The following AFF2 variants were observed in gnomAD, a reference collection of about 807,000 sequenced individuals.
AFF2 encodes the protein ALF transcription elongation factor 2, also known as AF4/FMR2 family member 2.
Under a neutral mutation model 76.9 loss-of-function variants are expected in AFF2, and 14 were observed. The observed-to-expected ratio is 0.18, with a 90% CI of 0.12 to 0.28. The LOEUF (loss-of-function observed/expected upper bound fraction) is 0.28. Ranked by LOEUF, AFF2 falls within the 10% of genes least tolerant of loss-of-function variation. The probability of loss-of-function intolerance (pLI) is 1.00; values close to 1 mark genes in which losing one functional copy is unlikely to be tolerated. For missense variants in AFF2, 868 were observed against 1,001.1 expected (o/e 0.87, Z 1.79); for synonymous variants, 398 against 366.7 (o/e 1.09, Z -0.98).
rs781844638 is a variant in AFF2 at position 148,699,677 on chromosome X, G to T, written c.1041+36909G>T. On this transcript the variant is annotated intron_variant, in intron 3 of 20. Coordinates refer to ENST00000370460, the MANE Select transcript of AFF2 (RefSeq NM_002025.4). ...AATCAATTTCTAGAAATTTAGCTCA[G>T]TTAAAGCCACAGTTGGTCCTTAGAT... 9.3e-4 allele frequency among the ~76,000 whole-genome samples: 104 copies of T among 111,368 alleles called. 1 individual carries two copies. The highest frequency in any genetic ancestry group is 1.7e-3 in the Non-Finnish European group (88 of 53,051).
chrX:148,764,828 C>T (rs1343275360), intron 3 of AFF2, among the ~76,000 whole-genome samples: 2 of 111,754 alleles, frequency 1.8e-5, no homozygotes, highest in Admixed American at 1.9e-4. Context: ...TGGTTGTACT[C>T]AAAGGGAAAA....
chrX:148,594,494 C>T (rs2080014112), intron 1 of AFF2, among the ~76,000 whole-genome samples: 1 of 100,149 alleles, frequency 1.0e-5, no homozygotes. Flanking sequence ...TTTAAAACCA[C>T]ACCAAAACTA....
chrX:148,577,858 A>G (rs1175645141), intron 1 of AFF2, among the ~76,000 whole-genome samples: 4 of 111,240 alleles, frequency 3.6e-5, no homozygotes, highest in East Asian at 5.7e-4. Context: ...TCTCACTTGC[A>G]TTAGGGCCCA....
intron 1 of AFF2, among the ~76,000 whole-genome samples, chrX:148,628,357 T>C (rs1341974650): frequency 9.0e-6 from 1 of 111,578 alleles, no homozygotes; most frequent in Non-Finnish European, 1.9e-5. Context: ...TGTCAAATAC[T>C]GTGGATGAGT....
chrX:148,538,401 C>T (rs924013072), intron 1 of AFF2, among the ~76,000 whole-genome samples: 3 of 111,587 alleles, frequency 2.7e-5, no homozygotes, highest in Non-Finnish European at 3.8e-5. Context: ...GCCATGCTGC[C>T]GGTCCCTGGA....
intron 3 of AFF2, among the ~76,000 whole-genome samples, chrX:148,788,495 G>A (rs2069851549): frequency 8.9e-6 from 1 of 112,070 alleles, no homozygotes; most frequent in Non-Finnish European, 1.9e-5. Context: ...AACATTATGT[G>A]TGCCAAGTCT....
chrX:148,841,990 G>T (rs1163579977), intron 5 of AFF2, among the ~76,000 whole-genome samples: 7 of 112,245 alleles, frequency 6.2e-5, no homozygotes, highest in African/African-American at 2.3e-4. Context: ...AAAGCAAAGT[G>T]TTATAGTTCT....
At chrX:148,672,945 C>T (rs1557259211) in intron 3 of AFF2, among the ~76,000 whole-genome samples, 2 of 111,429 alleles carry the variant, frequency 1.8e-5, no homozygotes, top group African/African-American at 6.5e-5. Flanking sequence ...GGGTATGAAA[C>T]TAATTGCTAT....
At chrX:148,527,403 C>T (rs2052673633) in intron 1 of AFF2, among the ~76,000 whole-genome samples, 1 of 112,022 alleles carries the variant, frequency 8.9e-6, no homozygotes, top group East Asian at 2.8e-4. Flanking sequence ...AAATGCAAGG[C>T]ATGAATTTAG....
Position 148,662,150 on chromosome X carries a change from T to C in AFF2, c.423T>C (p.Val141=), listed in dbSNP as rs782526273. Residue 141 remains valine, a synonymous_variant, in exon 3 of 21, where the codon GTT becomes GTC. Coordinates refer to ENST00000370460, the MANE Select transcript of AFF2 (RefSeq NM_002025.4). ...CAGCACCAATGCCTCCACCTTCTGT[T>C]GTGATACTGAATTCAACTCTAATAC... ...HPSAPMPPPS[V]VILNSTLIHS... 1.2e-5 allele frequency: 14 copies of C among 1,208,683 alleles called. No homozygotes were observed. The South Asian group carries it at 2.5e-4, about 21-fold the overall frequency.
intron 3 of AFF2, among the ~76,000 whole-genome samples, chrX:148,763,892 C>G (rs1391038588): frequency 1.8e-5 from 2 of 112,108 alleles, no homozygotes; most frequent in East Asian, 5.6e-4. Flanking sequence ...AGGGAATAAA[C>G]TAACAACGAT....
intron 4 of AFF2, among the ~76,000 whole-genome samples, chrX:148,812,184 A>G (rs2070211508): frequency 9.0e-6 from 1 of 111,711 alleles, no homozygotes; most frequent in South Asian, 3.8e-4. Flanking sequence ...TTAATTACAC[A>G]TTCATGTTCC....
intron 3 of AFF2, among the ~76,000 whole-genome samples, chrX:148,725,225 G>A (rs2055141962): frequency 9.1e-6 from 1 of 110,429 alleles, no homozygotes; most frequent in South Asian, 3.9e-4. Flanking sequence ...ACCCCCACAG[G>A]GACCCTGTGA....
chrX:148,666,585 AAAATAAATAAATAAAT>A (rs57375084), intron 3 of AFF2, among the ~76,000 whole-genome samples: 1,588 of 100,958 alleles, frequency 0.016, 19 homozygotes, highest in Non-Finnish European at 0.026. Flanking sequence ...CTCTGTCTCA[AAAATAAATAAATAAAT>A]AAATAAATAA....
intron 10 of AFF2, among the ~76,000 whole-genome samples, chrX:148,954,489 T>C (rs1032590222): frequency 8.9e-6 from 1 of 112,098 alleles, no homozygotes; most frequent in East Asian, 2.8e-4. Context: ...TAGAAATACC[T>C]GTTGAACATG....
intron 4 of AFF2, among the ~76,000 whole-genome samples, chrX:148,836,749 C>T (rs1226325134): frequency 1.8e-5 from 2 of 111,232 alleles, no homozygotes; most frequent in East Asian, 5.7e-4. Context: ...GGCCACATGC[C>T]CTAAGACTCA....
chrX:148,568,861 A>C (rs1201879491), intron 1 of AFF2, among the ~76,000 whole-genome samples: 3 of 111,894 alleles, frequency 2.7e-5, no homozygotes, highest in Admixed American at 1.9e-4. Context: ...ACAGGAAAAC[A>C]CAAGACATAA....
At chrX:148,961,743 A>G (rs1216450794) in intron 12 of AFF2, among the ~76,000 whole-genome samples, 1 of 112,850 alleles carries the variant, frequency 8.9e-6, no homozygotes, top group Admixed American at 9.4e-5. Context: ...CAAGAGGAAA[A>G]CATAAATTCT....
chrX:148,955,870 G>C lies in AFF2; in HGVS notation c.1825G>C (p.Ala609Pro). 1.7e-6 allele frequency: 2 copies of C among 1,211,501 alleles called. No homozygotes were observed. Among genetic ancestry groups the C allele is most frequent in the Non-Finnish European group, 2.2e-6 (2 of 895,503 alleles). The change falls in exon 11 of 21, where the codon GCT becomes CCT. Residue 609 changes from alanine (A) to proline (P), a missense_variant. Around this residue, in one of 6 missense-constraint regions of AFF2, gnomAD observed 532 missense variants for 564.2 expected, o/e 0.94. Transcript: ENST00000370460. ...CACTCAGAAAATTCCAGAAACAAAGGCTTTGAAGCATAAGTTGTCAACAAC... is the reference window on the plus strand; with the variant it reads ...CACTCAGAAAATTCCAGAAACAAAGCCTTTGAAGCATAAGTTGTCAACAAC... ...RPTQKIPETK[A>P]LKHKLSTTSE...
Sources: gnomAD v4.1 joint callset for allele counts (sites outside exome capture counted in the v4.1 genomes callset) on GRCh38, gnomAD v4.1.1 for gene constraint, gnomAD v4.1.1 regional missense constraint, MANE v1.5 for transcripts, NCBI Gene and HGNC (gene_info 2026-07-23, HGNC 2026-07-21) for gene names.